The following ADAM17 variants were observed in gnomAD, a reference collection of about 807,000 sequenced individuals.
ADAM17 encodes ADAM metallopeptidase domain 17, also known as disintegrin and metalloproteinase domain-containing protein 17.
Under a neutral mutation model 96.7 loss-of-function variants are expected in ADAM17, and 39 were observed. The ratio of observed to expected loss-of-function variants is 0.40; its 90% CI spans 0.31 to 0.53. The LOEUF is 0.53. ADAM17 is among the 20% of genes least tolerant of loss of function. The pLI is 0.44. For synonymous variants in ADAM17, 344 were observed against 359.2 expected (o/e 0.96, Z 0.48); for missense variants, 777 against 1,013.2 (o/e 0.77, Z 3.17).
chr2:9,551,148 AG>A (rs1447934289), intron 1 of ADAM17, among the ~76,000 whole-genome samples: 1 of 151,930 alleles, frequency 6.6e-6, no homozygotes, highest in Non-Finnish European at 1.5e-5. Context: ...TATGAACTCC[AG>A]AGAACAAGTC....
At chr2:9,553,393 G>A (rs1444901114) in intron 1 of ADAM17, among the ~76,000 whole-genome samples, 1 of 151,642 alleles carries the variant, frequency 6.6e-6, no homozygotes, top group African/African-American at 2.4e-5. Flanking sequence ...AAAAAAAGAG[G>A]CCGGGCCTGG....
chr2:9,539,132 G>C (rs1308670891), intron 2 of ADAM17, among the ~76,000 whole-genome samples: 2 of 150,462 alleles, frequency 1.3e-5, no homozygotes, highest in African/African-American at 4.9e-5. Flanking sequence ...TTTTGAGACG[G>C]AGTCTCACTC....
intron 1 of ADAM17, among the ~76,000 whole-genome samples, chr2:9,546,419 C>A (rs1267595960): frequency 6.6e-6 from 1 of 152,120 alleles, no homozygotes; most frequent in Non-Finnish European, 1.5e-5. Flanking sequence ...TCCTTTGGAG[C>A]CAAACTGTAG....
At chr2:9,551,143 A>G (rs994597201) in intron 1 of ADAM17, among the ~76,000 whole-genome samples, 5 of 151,926 alleles carry the variant, frequency 3.3e-5, no homozygotes, top group Admixed American at 3.3e-4. Context: ...CTGAATATGA[A>G]CTCCAGAGAA....
intron 4 of ADAM17, 21 bp from the exon 5 acceptor site, chr2:9,527,975 G>C: frequency 7.1e-7 from 1 of 1,406,162 alleles, no homozygotes. Flanking sequence ...AAATATATAC[G>C]ACTGAGATGG....
chr2:9,527,669 G>C, intron 5 of ADAM17, 117 bp downstream of exon 5: 2 of 686,204 alleles, frequency 2.9e-6, no homozygotes, highest in Non-Finnish European at 4.3e-6. Flanking sequence ...TTATTTTCAT[G>C]CCAAATACTA....
At chr2:9,490,587 C>T in intron 18 of ADAM17, 69 bp from the exon 19 acceptor site, 3 of 1,439,148 alleles carry the variant, frequency 2.1e-6, no homozygotes, top group East Asian at 2.5e-5. Flanking sequence ...CAGCTCCACC[C>T]TTACCCATCA....
At chr2:9,531,094 A>G (rs893197871) in intron 4 of ADAM17, among the ~76,000 whole-genome samples, 1 of 152,076 alleles carries the variant, frequency 6.6e-6, no homozygotes, top group Non-Finnish European at 1.5e-5. Flanking sequence ...AGCAGTTGGG[A>G]TTACGGGCGC....
chr2:9,492,755 C>A, intron 17 of ADAM17, 143 bp downstream of exon 17: 1 of 603,434 alleles, frequency 1.7e-6, no homozygotes, highest in Non-Finnish European at 2.8e-6. Context: ...ACATGTTCCC[C>A]TAGGAATAAC....
chr2:9,494,527 G>T, intron 15 of ADAM17, 110 bp downstream of exon 15: 2 of 1,274,204 alleles, frequency 1.6e-6, no homozygotes, highest in African/African-American at 1.5e-5. Context: ...GGGCCAGAAG[G>T]ATGTAGCCCC....
At chr2:9,547,830 G>A (rs767871869) in intron 1 of ADAM17, among the ~76,000 whole-genome samples, 106 of 151,966 alleles carry the variant, frequency 7.0e-4, no homozygotes, top group Non-Finnish European at 1.2e-3. Flanking sequence ...TGGGTAGATC[G>A]CTTGAGCCCC....
chr2:9,529,158 G>A (rs1174593743), intron 4 of ADAM17, among the ~76,000 whole-genome samples: 2 of 152,196 alleles, frequency 1.3e-5, no homozygotes, highest in African/African-American at 4.8e-5. Context: ...AGTGAAAGAA[G>A]CCACACACAG....
chr2:9,514,767 T>C (rs1190766902), intron 10 of ADAM17, among the ~76,000 whole-genome samples: 2 of 151,066 alleles, frequency 1.3e-5, no homozygotes, highest in South Asian at 2.1e-4. Flanking sequence ...CCCAGCTACT[T>C]GGGAGGCTGA....
At chr2:9,501,930 TA>T (rs1350958082) in intron 13 of ADAM17, among the ~76,000 whole-genome samples, 2 of 151,966 alleles carry the variant, frequency 1.3e-5, no homozygotes, top group Non-Finnish European at 2.9e-5. Flanking sequence ...AGGCAAATAT[TA>T]ACCACAGTAG....
Position 9,555,564 on chromosome 2 carries a change from G to C in ADAM17, c.42C>G (p.Phe14Leu), listed in dbSNP as rs578189296. ...CATCCGGAGGTCGCGGCGCCAGCAC[G>C]AAAGGAACCACGCTGGTCAGGAATA... ...SLLFLTSVVP[F>L]VLAPRPPDDP... Residue 14 changes from phenylalanine (F) to leucine (L), a missense_variant, in exon 1 of 19, where the codon TTC (phenylalanine) becomes TTG (leucine). Phe to Leu is a conservative substitution (Grantham distance 22, BLOSUM62 0). Around this residue, in one of 3 missense-constraint regions of ADAM17, gnomAD observed 134 missense variants for 129.1 expected, o/e 1.04. Coordinates refer to ENST00000310823, the MANE Select transcript of ADAM17 (RefSeq NM_003183.6). 6.2e-7 allele frequency: 1 copy of C among 1,602,124 alleles called. No individual in the cohort carries two copies. The highest frequency in any genetic ancestry group is 1.7e-5 in the Admixed American group (1 of 58,330).
At chr2:9,525,981 C>T in intron 6 of ADAM17, 130 bp downstream of exon 6, 4 of 974,696 alleles carry the variant, frequency 4.1e-6, no homozygotes, top group Non-Finnish European at 5.8e-6. Flanking sequence ...ATAAAAACCT[C>T]AGAGAATATC....
chr2:9,518,910 GATTT>G (rs1664191607), intron 8 of ADAM17, among the ~76,000 whole-genome samples: 1 of 150,550 alleles, frequency 6.6e-6, no homozygotes, highest in East Asian at 1.9e-4. Context: ...GGGGGGGTTT[GATTT>G]ATTTTGCTTG....
intron 8 of ADAM17, among the ~76,000 whole-genome samples, chr2:9,518,967 G>A (rs114697371): frequency 0.017 from 2,608 of 151,978 alleles, 66 homozygotes; most frequent in African/African-American, 0.059. Flanking sequence ...ATGCAGTGAC[G>A]CAATCACAGC....
intron 18 of ADAM17, 54 bp downstream of exon 18, chr2:9,491,047 T>TAAC: frequency 1.3e-6 from 2 of 1,530,648 alleles, no homozygotes; most frequent in Non-Finnish European, 1.8e-6. Flanking sequence ...GGTCTTTGCC[T>TAAC]AACAGGGCCT....
Sources: allele counts gnomAD v4.1 joint callset (sites outside exome capture counted in the v4.1 genomes callset), GRCh38; gene constraint gnomAD v4.1.1; regional missense constraint gnomAD v4.1.1; transcripts MANE v1.5; gene names NCBI Gene and HGNC (gene_info 2026-07-23, HGNC 2026-07-21).